The following USP8 variants were observed in gnomAD, a reference collection of about 807,000 sequenced individuals.
USP8 encodes the protein ubiquitin carboxyl-terminal hydrolase 8.
USP8 carries 27 observed loss-of-function variants against 130.0 expected under a neutral mutation model. The observed-to-expected ratio is 0.21, with a 90% CI of 0.15 to 0.29. USP8 has a LOEUF of 0.29. Ranked by LOEUF, USP8 falls within the 10% of genes least tolerant of loss-of-function variation. USP8 has a pLI of 1.00. For synonymous variants in USP8, 392 were observed against 444.1 expected (o/e 0.88, Z 1.48); for missense variants, 1,029 against 1,312.2 (o/e 0.78, Z 3.33).
At chr15:50,498,553 G>T in intron 18 of USP8, 43 bp from the exon 19 acceptor site, 3 of 1,549,738 alleles carry the variant, frequency 1.9e-6, no homozygotes, top group South Asian at 1.2e-5. Context: ...ATTCATCCTG[G>T]TATCTTCCTC....
At chr15:50,478,319 TA>T (rs2051641620) in intron 10 of USP8, among the ~76,000 whole-genome samples, 1 of 152,250 alleles carries the variant, frequency 6.6e-6, no homozygotes, top group African/African-American at 2.4e-5. Flanking sequence ...TTAGTTTTTA[TA>T]TCCTTCATTT....
chr15:50,504,824 CA>C lies in USP8; in HGVS notation c.*5744del, dbSNP rs60405800. 0.51 allele frequency: 76,854 copies of C among 150,728 alleles called. 19,792 individuals are homozygous for C. Among genetic ancestry groups the C allele is most frequent in the Admixed American group, 0.58 (8,797 of 15,144 alleles). The allele number at this position is 150,728 out of a possible 1,614,324, so 9.3% of individuals were successfully genotyped here. A position where few individuals can be genotyped will look rare whatever the true frequency, so the allele number is the denominator to read the frequency against. On this transcript the variant is annotated 3_prime_UTR_variant, in exon 20 of 20. Transcript: ENST00000307179. ...GAAACCCTGTCTCTATTAAAAAAAA[CA>C]AAAAAAATTAGCTGGGCCTGGTGGC...
chr15:50,429,418 G>A (rs940836740), intron 1 of USP8, among the ~76,000 whole-genome samples: 1 of 151,166 alleles, frequency 6.6e-6, no homozygotes, highest in Non-Finnish European at 1.5e-5. Flanking sequence ...GCTGATTTCA[G>A]CTGGAAACAA....
In USP8 at chr15:50,436,607, C is replaced by T. The variant is rs527838750; in HGVS notation, c.-65-2402C>T. Among the ~76,000 whole-genome samples the T allele has an allele frequency of 2.0e-5, 3 of 152,060 alleles. No individual in the cohort carries two copies. The East Asian group carries it at 5.8e-4, about 29-fold the overall frequency. ...TCACCTCCCGGGTTCAAGTGAGTCT[C>T]CTACTTCAGCCTCCTGAGTAGCTGG... On this transcript the variant is annotated intron_variant, in intron 1 of 19. Coordinates refer to ENST00000307179, the MANE Select transcript of USP8 (RefSeq NM_005154.5).
intron 4 of USP8, among the ~76,000 whole-genome samples, chr15:50,451,992 G>T (rs1374572434): frequency 2.0e-5 from 3 of 152,202 alleles, no homozygotes; most frequent in African/African-American, 7.2e-5. Context: ...CGTGTGTGCC[G>T]AGTGGGGTCC....
At chr15:50,448,263 A>G (rs1340091228) in intron 3 of USP8, among the ~76,000 whole-genome samples, 3 of 152,182 alleles carry the variant, frequency 2.0e-5, no homozygotes, top group African/African-American at 7.2e-5. Context: ...CTGTGCTAGT[A>G]GGCTCTATTT....
chr15:50,441,969 C>CTTTTTT (rs1011150634), intron 3 of USP8, among the ~76,000 whole-genome samples: 19 of 81,410 alleles, frequency 2.3e-4, no homozygotes, highest in East Asian at 8.3e-4. Context: ...CTCCCTAAAT[C>CTTTTTT]TTTTTTTTTT....
chr15:50,478,029 C>T (rs1363475943), intron 10 of USP8, among the ~76,000 whole-genome samples: 1 of 152,102 alleles, frequency 6.6e-6, no homozygotes, highest in African/African-American at 2.4e-5. Flanking sequence ...GGTTTCCAAG[C>T]CAGTTGGCGA....
chr15:50,446,207 G>C (rs1366883728), intron 3 of USP8, among the ~76,000 whole-genome samples: 1 of 152,074 alleles, frequency 6.6e-6, no homozygotes, highest in African/African-American at 2.4e-5. Flanking sequence ...TGTAATAATT[G>C]GATGTTATCT....
At chr15:50,449,929 T>C (rs1264264777) in intron 4 of USP8, among the ~76,000 whole-genome samples, 1 of 126,090 alleles carries the variant, frequency 7.9e-6, no homozygotes, top group Non-Finnish European at 1.6e-5. Flanking sequence ...GGAGTCTCAC[T>C]GTTGCCCAGG....
chr15:50,491,378 C>T (rs903553363), intron 14 of USP8, among the ~76,000 whole-genome samples: 2 of 152,092 alleles, frequency 1.3e-5, no homozygotes, highest in East Asian at 1.9e-4. Flanking sequence ...CAGACTTATT[C>T]GAAGGAGCTT....
intron 4 of USP8, among the ~76,000 whole-genome samples, chr15:50,458,297 A>G (rs530358927): frequency 3.0e-4 from 45 of 152,236 alleles, no homozygotes; most frequent in African/African-American, 1.1e-3. Flanking sequence ...GATTACAGAC[A>G]TGCACCACCA....
At chr15:50,435,177 G>A (rs1159004968) in intron 1 of USP8, among the ~76,000 whole-genome samples, 1 of 152,080 alleles carries the variant, frequency 6.6e-6, no homozygotes, top group East Asian at 1.9e-4. Context: ...GCAGCAGAAT[G>A]ACTTATCAAA....
chr15:50,426,448 C>T (rs747063884), intron 1 of USP8, among the ~76,000 whole-genome samples: 1 of 152,234 alleles, frequency 6.6e-6, no homozygotes, highest in East Asian at 1.9e-4. Context: ...TCCTGTTTCT[C>T]TGGCCTGCCT....
At chr15:50,437,711 A>G (rs2050130733) in intron 1 of USP8, among the ~76,000 whole-genome samples, 1 of 152,226 alleles carries the variant, frequency 6.6e-6, no homozygotes, top group South Asian at 2.1e-4. Context: ...TCCTCAATGG[A>G]TGCTTTTAGC....
rs538376458 is a variant in USP8, at chr15:50,476,390, G to A, written c.850-459G>A. 1.2e-4 allele frequency among the ~76,000 whole-genome samples: 18 copies of A among 152,176 alleles called. 1 individual carries two copies. The South Asian group carries it at 1.2e-3, about 11-fold the overall frequency. On this transcript the variant is annotated intron_variant, in intron 8 of 19. Coordinates refer to ENST00000307179, the MANE Select transcript of USP8 (RefSeq NM_005154.5). ...GGCTGCAGTGAGTCGTGATTATGCC[G>A]TTGCATTCCAACTTGGGTGATAGAG...
intron 1 of USP8, among the ~76,000 whole-genome samples, chr15:50,429,285 G>A (rs2049849997): frequency 6.7e-6 from 1 of 148,854 alleles, no homozygotes; most frequent in Non-Finnish European, 1.5e-5. Context: ...AGAGTTATGG[G>A]CATAAGCATC....
rs772935810 is a variant in USP8 at position 50,459,034 on chromosome 15, GA to G, written c.375del (p.Asp126ThrfsTer66). On this transcript the variant is annotated frameshift_variant, in exon 5 of 20. Transcript: ENST00000307179. LOFTEE classifies it high-confidence loss of function. ...AGCTGAAGTCCGGAAAAAACTTGAG[GA>G]AAAAGACAGGCAGGAGGAAGCACAG... ...EEAEVRKKLEEKDRQEEAQRL... is the reference protein window; with the variant it reads ...EEAEVRKKLEXKDRQEEAQRL... 6.2e-7 allele frequency: 1 copy of G among 1,613,588 alleles called. No individual in the cohort carries two copies. Among genetic ancestry groups the G allele is most frequent in the Non-Finnish European group, 8.5e-7 (1 of 1,179,998 alleles).
At chr15:50,426,174 T>C (rs1447885071) in intron 1 of USP8, among the ~76,000 whole-genome samples, 3 of 152,084 alleles carry the variant, frequency 2.0e-5, no homozygotes, top group Admixed American at 2.0e-4. Context: ...CAAAATGACT[T>C]TTGGGTAAGA....
Sources: gnomAD v4.1 joint callset for allele counts (sites outside exome capture counted in the v4.1 genomes callset) on GRCh38, gnomAD v4.1.1 for gene constraint, MANE v1.5 for transcripts, NCBI Gene and HGNC (gene_info 2026-07-23, HGNC 2026-07-21) for gene names.